Variants in CGREF1 observed in about 807,000 individuals in gnomAD.
CGREF1 encodes cell growth regulator with EF hand domain protein 1.
Under a neutral mutation model 17.4 loss-of-function variants are expected in CGREF1, and 16 were observed. That is an observed-to-expected ratio of 0.92 (90% CI 0.62 to 1.40). CGREF1 has a LOEUF of 1.40. Among genes scored for constraint, CGREF1 ranks in the 40% most tolerant of loss-of-function variants. The probability of loss-of-function intolerance (pLI) is 0.00; values close to 1 mark genes in which losing one functional copy is unlikely to be tolerated. For synonymous variants in CGREF1, 142 were observed against 154.6 expected, an observed-to-expected ratio of 0.92 and a Z score of 0.61; for missense variants, 296 against 376.4, an observed-to-expected ratio of 0.79 and a Z score of 1.77.
At chr2:27,113,990 C>CTTTTTTT (rs60288087) in intron 1 of CGREF1, among the ~76,000 whole-genome samples, 3 of 102,354 alleles carry the variant, frequency 2.9e-5, no homozygotes, top group South Asian at 3.2e-4. Context: ...TAGCAGGTGC[C>CTTTTTTT]TTTTTTTTTT....
chr2:27,114,888 C>A (rs1012002549), intron 1 of CGREF1, among the ~76,000 whole-genome samples: 1 of 152,176 alleles, frequency 6.6e-6, no homozygotes, highest in Non-Finnish European at 1.5e-5. Flanking sequence ...GCAAAGTCAA[C>A]ATCAACGTTA....
downstream of CGREF1, chr2:27,100,544 TTATAATGTAAAGAGCA>T: frequency 1.5e-6 from 2 of 1,290,544 alleles, no homozygotes; most frequent in African/African-American, 1.5e-5. Context: ...GGGTAAGGCC[TTATAATGTAAAGAGCA>T]TATAATGTAA....
chr2:27,115,458 T>C (rs1671534876), intron 1 of CGREF1, among the ~76,000 whole-genome samples: 1 of 152,224 alleles, frequency 6.6e-6, no homozygotes, highest in Non-Finnish European at 1.5e-5. Flanking sequence ...AGTTACCTTA[T>C]CCACATACTG....
chr2:27,108,657 C>G (rs747097897), intron 1 of CGREF1, among the ~76,000 whole-genome samples: 7 of 150,446 alleles, frequency 4.7e-5, no homozygotes, highest in Non-Finnish European at 7.4e-5. Flanking sequence ...CAAATCATCT[C>G]ATAGGAAAAG....
At position 27,101,070 on chromosome 2, in the gene CGREF1, C is replaced by CCG. The variant is rs397760386; in HGVS notation, c.*203_*204insCG. 5.6e-5 allele frequency: 76 copies of CCG among 1,357,124 alleles called. No homozygotes were observed. Among genetic ancestry groups the CCG allele is most frequent in the South Asian group, 2.5e-4 (12 of 48,314 alleles). 84.1% of individuals were successfully genotyped at this position (1,357,124 alleles called of 1,614,324 possible). ...CAGGCTGGACGGGTAGAGAGGTGGC[C>CCG]GGGGGGATGAATTCATTCAGTTCTT... is the stretch of plus-strand genomic sequence containing the variant. On this transcript the variant is annotated 3_prime_UTR_variant, in exon 6 of 6. Coordinates refer to ENST00000402394, the MANE Select transcript of CGREF1 (RefSeq NM_006569.6).
intron 5 of CGREF1, 84 bp from the exon 6 acceptor site, chr2:27,101,972 C>G: frequency 6.4e-7 from 1 of 1,566,764 alleles, no homozygotes; most frequent in Non-Finnish European, 8.6e-7. Context: ...CCCTTGCATC[C>G]CTGCCGTGCA....
At chr2:27,100,550 T>G (rs769822651), downstream of CGREF1, 22 of 1,290,194 alleles carry the variant, frequency 1.7e-5, no homozygotes, top group Non-Finnish European at 2.2e-5. Context: ...GGCCTTATAA[T>G]GTAAAGAGCA....
intron 1 of CGREF1, among the ~76,000 whole-genome samples, chr2:27,116,871 T>TTTTCTCTCTCTCTCTCTCTC (rs1671585772): frequency 3.0e-5 from 1 of 33,680 alleles, no homozygotes. Flanking sequence ...GCCAGGCCTA[T>TTTTCTCTCTCTCTCTCTCTC]TCTCTCTCTC....
intron 1 of CGREF1, among the ~76,000 whole-genome samples, chr2:27,113,356 G>A (rs1671460074): frequency 6.6e-6 from 1 of 152,130 alleles, no homozygotes; most frequent in Non-Finnish European, 1.5e-5. Flanking sequence ...CCGTAGGGAA[G>A]GCAAGTTAGA....
intron 1 of CGREF1, chr2:27,111,000 A>C (rs908854111): frequency 2.0e-5 from 3 of 152,404 alleles, no homozygotes; most frequent in Non-Finnish European, 4.4e-5. Context: ...GTTACAGCTC[A>C]TAAAGGCAGT....
rs140537936 is a variant in CGREF1, at chr2:27,117,200, T to G, written c.-12+1646A>C. ...TGCTGGGATTACAGGCATGAGCCAC[T>G]GCACCTGGCCAATATTCTAAGTAAT... On this transcript the variant is annotated intron_variant, in intron 1 of 5. Transcript: ENST00000402394. 2.9e-3 allele frequency among the ~76,000 whole-genome samples: 445 copies of G among 152,244 alleles called. 5 individuals are homozygous for G. Among genetic ancestry groups the G allele is most frequent in the African/African-American group, 0.01 (426 of 41,550 alleles).
Position 27,101,249 on chromosome 2 carries a change from C to T in CGREF1, c.*25G>A, listed in dbSNP as rs776522100. ...GGCTTATGTTCTGGCACTGAGACTTCGTGGGGTACCTGTATCTTCAAGATC... is the reference window on the plus strand; with the variant it reads ...GGCTTATGTTCTGGCACTGAGACTTTGTGGGGTACCTGTATCTTCAAGATC... On this transcript the variant is annotated 3_prime_UTR_variant, in exon 6 of 6. Coordinates refer to ENST00000402394, the MANE Select transcript of CGREF1 (RefSeq NM_006569.6). 32 of 1,525,478 alleles carry T rather than the reference C, an allele frequency of 2.1e-5. No homozygotes were observed. Among genetic ancestry groups the T allele is most frequent in the East Asian group, 6.8e-5 (3 of 44,090 alleles). The allele number at this position is 1,525,478 out of a possible 1,614,324, so 94.5% of individuals were successfully genotyped here.
In CGREF1 at chr2:27,102,596, A is replaced by C; in HGVS notation, c.81-5T>G. On this transcript the variant is annotated splice_polypyrimidine_tract_variant and splice_region_variant and intron_variant, in intron 2 of 5. Coordinates refer to ENST00000402394, the MANE Select transcript of CGREF1 (RefSeq NM_006569.6). ...TGCTGCACTTCAGAGTCTGGCCTGGAGGAGGAAGGGGAGGACCAGCCTTGC... is the reference window on the plus strand; with the variant it reads ...TGCTGCACTTCAGAGTCTGGCCTGGCGGAGGAAGGGGAGGACCAGCCTTGC... 6.2e-7 allele frequency: 1 copy of C among 1,610,508 alleles called. No individual in the cohort carries two copies. Among genetic ancestry groups the C allele is most frequent in the Non-Finnish European group, 8.5e-7 (1 of 1,179,476 alleles).
At chr2:27,106,543 G>C (rs1671583721) in intron 1 of CGREF1, among the ~76,000 whole-genome samples, 2 of 152,124 alleles carry the variant, frequency 1.3e-5, no homozygotes, top group African/African-American at 4.8e-5. Context: ...CTTGATTTTG[G>C]TGCTGTGTAG....
chr2:27,099,423 T>C (rs1444920451), downstream of CGREF1: 1 of 1,613,744 alleles, frequency 6.2e-7, no homozygotes, highest in South Asian at 1.1e-5. Flanking sequence ...CTTGCAGGGC[T>C]GTGCTTGTCT....
chr2:27,101,795 C>G lies in CGREF1; in HGVS notation c.436G>C (p.Ala146Pro). 6.2e-7 allele frequency: 1 copy of G among 1,614,230 alleles called. No individual in the cohort carries two copies. Among genetic ancestry groups the G allele is most frequent in the Non-Finnish European group, 8.5e-7 (1 of 1,180,040 alleles). Reference sequence around the variant, plus strand: ...TCTCCGGGCTCCACGTGCCTGAGGGCTACTCCCGGGAAGTTGATGAGCTCA... The same window carrying G: ...TCTCCGGGCTCCACGTGCCTGAGGGGTACTCCCGGGAAGTTGATGAGCTCA... ...PAELINFPGV[A>P]LRHVEPGEPL... is the part of the protein sequence containing the mutation. Residue 146 changes from alanine to proline, a missense_variant, in exon 6 of 6, where the codon GCC (alanine) becomes CCC (proline). Around this residue, in one of 3 missense-constraint regions of CGREF1, gnomAD observed 247 missense variants for 267.2 expected, o/e 0.92. Coordinates refer to ENST00000402394, the MANE Select transcript of CGREF1 (RefSeq NM_006569.6).
chr2:27,108,811 A>C (rs1235563888), intron 1 of CGREF1, among the ~76,000 whole-genome samples: 1 of 152,004 alleles, frequency 6.6e-6, no homozygotes, highest in East Asian at 1.9e-4. Flanking sequence ...AGGTGAAGCA[A>C]ATTTATTTAT....
At position 27,101,633 on chromosome 2, in the gene CGREF1, C is replaced by A; in HGVS notation, c.598G>T (p.Glu200Ter). 6.2e-7 allele frequency: 1 copy of A among 1,614,192 alleles called. No individual in the cohort carries two copies. Among genetic ancestry groups the A allele is most frequent in the South Asian group, 1.1e-5 (1 of 91,088 alleles). The part of the protein sequence containing the change: ...EAKGQVEARR[E>*]SLDPVQEPGG... ...GGCTCCTGGACAGGATCCAAAGACT[C>A]CCTTCTGGCCTCTACCTGGCCCTTT... Residue 200 changes from glutamate (E) to a stop codon, truncating the protein, a stop_gained, in exon 6 of 6, where the codon GAG (glutamate) becomes TAG (stop). Transcript: ENST00000402394. LOFTEE classifies it low-confidence loss of function (END_TRUNC).
At chr2:27,116,899 C>A (rs1301929928) in intron 1 of CGREF1, among the ~76,000 whole-genome samples, 3 of 130,740 alleles carry the variant, frequency 2.3e-5, no homozygotes, top group African/African-American at 8.8e-5. Flanking sequence ...CTCTCTCTCT[C>A]TCTCTCTCTC....
Sources: allele counts gnomAD v4.1 joint callset (sites outside exome capture counted in the v4.1 genomes callset), GRCh38; gene constraint gnomAD v4.1.1; regional missense constraint gnomAD v4.1.1; transcripts MANE v1.5; gene names NCBI Gene and HGNC (gene_info 2026-07-23, HGNC 2026-07-21).